Variants in CSRNP3 observed in about 807,000 individuals in gnomAD.
CSRNP3 encodes cysteine and serine rich nuclear protein 3.
Under a neutral mutation model 48.0 loss-of-function variants are expected in CSRNP3, and 12 were observed. The observed-to-expected ratio is 0.25, with a 90% CI of 0.16 to 0.41. CSRNP3 has a LOEUF of 0.41. CSRNP3 is among the 10% of genes least tolerant of loss of function. The pLI, the probability that CSRNP3 is intolerant of heterozygous loss-of-function variation, is 1.00. For synonymous variants in CSRNP3, 263 were observed against 269.7 expected, an observed-to-expected ratio of 0.98 and a Z score of 0.24; for missense variants, 580 against 724.4, an observed-to-expected ratio of 0.80 and a Z score of 2.29.
intron 5 of CSRNP3, among the ~76,000 whole-genome samples, chr2:165,675,549 A>G (rs1687409782): frequency 1.3e-5 from 2 of 152,248 alleles, no homozygotes; most frequent in Admixed American, 1.3e-4. Context: ...AAATAGAAGC[A>G]GACTAATCAT....
At chr2:165,597,353 A>G (rs7593038) in intron 4 of CSRNP3, among the ~76,000 whole-genome samples, 72,529 of 151,990 alleles carry the variant, frequency 0.48, 17,425 homozygotes, top group African/African-American at 0.51. Flanking sequence ...AATTTTATAT[A>G]TAAGAAGAAA....
chr2:165,671,278 A>C (rs772155641), intron 5 of CSRNP3, among the ~76,000 whole-genome samples: 3 of 152,258 alleles, frequency 2.0e-5, no homozygotes, highest in African/African-American at 2.4e-5. Flanking sequence ...TTTTAAAGGT[A>C]GCATCATGTC....
chr2:165,477,497 T>TATATAA (rs1186588607), intron 1 of CSRNP3, among the ~76,000 whole-genome samples: 1 of 119,724 alleles, frequency 8.4e-6, no homozygotes, highest in East Asian at 2.3e-4. Context: ...TATATATATA[T>TATATAA]AATACAAATA....
intron 2 of CSRNP3, among the ~76,000 whole-genome samples, chr2:165,510,219 A>G (rs1367658823): frequency 6.6e-6 from 1 of 152,056 alleles, no homozygotes. Flanking sequence ...CCCAGGTCAC[A>G]CTCAAGGTCG....
In CSRNP3 at chr2:165,688,302, A is replaced by ACT. The variant is rs1270162260; in HGVS notation, c.*8549_*8550insCT. On this transcript the variant is annotated 3_prime_UTR_variant, in exon 7 of 7. Coordinates refer to ENST00000651982, the MANE Select transcript of CSRNP3 (RefSeq NM_001172173.2). ...ACCTCAGCCTTTATTGTGTCTTAGT[A>ACT]AAGTTGATCTGCTTTATTTTTAGTT... 1 of 152,120 alleles carries ACT rather than the reference A, an allele frequency of 6.6e-6. No homozygotes were observed. The highest frequency in any genetic ancestry group is 1.9e-4 in the East Asian group (1 of 5,186). The allele number at this position is 152,120 out of a possible 1,614,324, so 9.4% of individuals were successfully genotyped here. A position where few individuals can be genotyped will look rare whatever the true frequency, so the allele number is the denominator to read the frequency against.
chr2:165,595,877 A>C (rs993141682), intron 4 of CSRNP3, among the ~76,000 whole-genome samples: 5 of 151,990 alleles, frequency 3.3e-5, no homozygotes, highest in African/African-American at 1.2e-4. Flanking sequence ...GCTCACTGCA[A>C]CCCCCTCCTC....
intron 3 of CSRNP3, among the ~76,000 whole-genome samples, chr2:165,546,253 G>T (rs28667681): frequency 2.0e-5 from 3 of 151,890 alleles, no homozygotes; most frequent in Admixed American, 6.6e-5. Context: ...GTGCAGTGGC[G>T]CAGTCTCGGC....
intron 5 of CSRNP3, among the ~76,000 whole-genome samples, chr2:165,667,133 AAGAG>A (rs757565652): frequency 8.8e-5 from 12 of 136,204 alleles, no homozygotes; most frequent in East Asian, 8.6e-4. Context: ...GAAAGAAAGA[AAGAG>A]AGAGAGAAAA....
chr2:165,536,306 T>C (rs1558928002), intron 3 of CSRNP3, among the ~76,000 whole-genome samples: 1 of 151,966 alleles, frequency 6.6e-6, no homozygotes, highest in Non-Finnish European at 1.5e-5. Context: ...AACCTAGTTA[T>C]AAATATTAAC....
chr2:165,526,303 T>G lies in CSRNP3; in HGVS notation c.-24+8342T>G, dbSNP rs61227924. ...GATCGGAAAATTTACCTATGCACATTAGAAAATTCTCTGAATTCTATTTCC... is the reference window on the plus strand; with the variant it reads ...GATCGGAAAATTTACCTATGCACATGAGAAAATTCTCTGAATTCTATTTCC... On this transcript the variant is annotated intron_variant, in intron 3 of 6. Transcript: ENST00000651982. 1.5e-3 allele frequency among the ~76,000 whole-genome samples: 232 copies of G among 152,244 alleles called. 1 individual carries two copies. Among genetic ancestry groups the G allele is most frequent in the African/African-American group, 5.4e-3 (223 of 41,558 alleles).
chr2:165,599,984 C>A (rs1465728655), intron 4 of CSRNP3, among the ~76,000 whole-genome samples: 3 of 149,072 alleles, frequency 2.0e-5, no homozygotes, highest in Non-Finnish European at 4.4e-5. Context: ...GCACAATGTG[C>A]AGGTTAGTTA....
chr2:165,594,645 G>T lies in CSRNP3; in HGVS notation c.-23-398G>T, dbSNP rs115907655. Among the ~76,000 whole-genome samples, 1,246 of 152,220 alleles carry T rather than the reference G, an allele frequency of 8.2e-3. 18 individuals are homozygous for T. Among genetic ancestry groups the T allele is most frequent in the African/African-American group, 0.028 (1,180 of 41,520 alleles). On this transcript the variant is annotated intron_variant, in intron 3 of 6. Transcript: ENST00000651982. Reference sequence around the variant, plus strand: ...TTGAATTTTAGAACTTGAGTACAAAGGTCGTGCATACTTTTTTGTGTTCCA... The same window carrying T: ...TTGAATTTTAGAACTTGAGTACAAATGTCGTGCATACTTTTTTGTGTTCCA...
chr2:165,535,110 C>T (rs531573461), intron 3 of CSRNP3, among the ~76,000 whole-genome samples: 1 of 151,746 alleles, frequency 6.6e-6, no homozygotes, highest in Non-Finnish European at 1.5e-5. Context: ...TGTTTACCAG[C>T]TTTTTGATGT....
At chr2:165,543,337 T>TA (rs1470471429) in intron 3 of CSRNP3, among the ~76,000 whole-genome samples, 1 of 152,118 alleles carries the variant, frequency 6.6e-6, no homozygotes, top group African/African-American at 2.4e-5. Flanking sequence ...GCATGCAAAT[T>TA]AAAAATACAT....
intron 5 of CSRNP3, among the ~76,000 whole-genome samples, chr2:165,669,059 G>A (rs1203934762): frequency 6.6e-6 from 1 of 152,158 alleles, no homozygotes; most frequent in Non-Finnish European, 1.5e-5. Flanking sequence ...TATACAGTAT[G>A]GAACTTAATG....
At chr2:165,475,610 A>G (rs1247878584) in intron 1 of CSRNP3, among the ~76,000 whole-genome samples, 2 of 152,196 alleles carry the variant, frequency 1.3e-5, no homozygotes, top group African/African-American at 4.8e-5. Flanking sequence ...GATACACAGT[A>G]TGTGCCCCCA....
chr2:165,605,773 T>C (rs1335561136), intron 4 of CSRNP3, among the ~76,000 whole-genome samples: 1 of 152,142 alleles, frequency 6.6e-6, no homozygotes, highest in Non-Finnish European at 1.5e-5. Flanking sequence ...TATTATAGTA[T>C]ATATTATATG....
chr2:165,529,137 A>T (rs985432016), intron 3 of CSRNP3, among the ~76,000 whole-genome samples: 1 of 152,198 alleles, frequency 6.6e-6, no homozygotes, highest in African/African-American at 2.4e-5. Context: ...AACTAAAATC[A>T]GAATGAGATA....
chr2:165,594,993 G>A (rs774695880), intron 3 of CSRNP3, 50 bp from the exon 4 acceptor site: 20 of 1,563,834 alleles, frequency 1.3e-5, no homozygotes, highest in South Asian at 3.5e-5. Context: ...TTGGCTACAC[G>A]TTCAGCGGTC....
Sources: gnomAD v4.1 joint callset for allele counts (sites outside exome capture counted in the v4.1 genomes callset) on GRCh38, gnomAD v4.1.1 for gene constraint, MANE v1.5 for transcripts, NCBI Gene and HGNC (gene_info 2026-07-23, HGNC 2026-07-21) for gene names.